Variants in NKAIN2 observed in about 807,000 individuals in gnomAD.
The protein encoded by NKAIN2 is sodium/potassium-transporting ATPase subunit beta-1-interacting protein 2.
In NKAIN2, 14 loss-of-function variants were observed where a neutral mutation model predicts 32.6. The observed-to-expected ratio is 0.43, with a 90% CI of 0.28 to 0.67. The LOEUF is 0.67. Among genes scored for constraint, NKAIN2 ranks in the 30% least tolerant of loss-of-function variants. NKAIN2 has a pLI of 0.17. For synonymous variants in NKAIN2, 80 were observed against 87.2 expected (o/e 0.92, Z 0.46); for missense variants, 198 against 258.3 (o/e 0.77, Z 1.60).
intron 1 of NKAIN2, among the ~76,000 whole-genome samples, chr6:123,859,599 A>G (rs149724081): frequency 0.017 from 2,611 of 152,318 alleles, 192 homozygotes; most frequent in Admixed American, 0.14. Context: ...TGGTCCATCC[A>G]TTGGTCCTGT....
intron 4 of NKAIN2, among the ~76,000 whole-genome samples, chr6:124,789,723 CA>C (rs1779658812): frequency 6.6e-6 from 1 of 151,528 alleles, no homozygotes; most frequent in Non-Finnish European, 1.5e-5. Context: ...AAATAAGTCC[CA>C]AAAAAACAAA....
At chr6:124,473,560 T>A (rs1367970989) in intron 3 of NKAIN2, among the ~76,000 whole-genome samples, 1 of 152,182 alleles carries the variant, frequency 6.6e-6, no homozygotes, top group African/African-American at 2.4e-5. Flanking sequence ...TTGTTGGCAC[T>A]TTTTTAGTAT....
At position 124,419,105 on chromosome 6, in the gene NKAIN2, C is replaced by T. The variant is rs1427351517; in HGVS notation, c.273+63758C>T. On this transcript the variant is annotated intron_variant, in intron 3 of 6. Transcript: ENST00000368417. ...CTCAAACTGAGAGAAAATTAATTTG[C>T]CTCCACTTCTAAGCATCTGGGCCTC... Among the ~76,000 whole-genome samples the T allele has an allele frequency of 2.0e-5, 3 of 152,028 alleles. No individual in the cohort carries two copies. The South Asian group carries it at 6.2e-4, about 32-fold the overall frequency.
chr6:123,835,028 C>G (rs184942513), intron 1 of NKAIN2, among the ~76,000 whole-genome samples: 233 of 152,124 alleles, frequency 1.5e-3, no homozygotes, highest in African/African-American at 5.5e-3. Flanking sequence ...CTTTTGTTTT[C>G]TTGTATTGTC....
rs369070419 is a variant in NKAIN2, at chr6:123,883,894, C to CAAAAAAAAA, written c.54+79655_54+79663dup. Among the ~76,000 whole-genome samples the CAAAAAAAAA allele has an allele frequency of 4.7e-5, 3 of 63,864 alleles. 1 individual carries two copies. The highest frequency in any genetic ancestry group is 1.2e-4 in the African/African-American group (2 of 16,124). 41.9% of individuals were successfully genotyped at this position (63,864 alleles called of 152,430 possible). ...TGGGCGACAGAGCGAGACTCTGTCT[C>CAAAAAAAAA]AAAAAAAAAAAAAAAAAAAAAAATT... On this transcript the variant is annotated intron_variant, in intron 1 of 6. Transcript: ENST00000368417.
intron 1 of NKAIN2, among the ~76,000 whole-genome samples, chr6:123,887,952 A>T (rs1280149005): frequency 6.6e-6 from 1 of 152,122 alleles, no homozygotes; most frequent in Admixed American, 6.6e-5. Context: ...CTTGCTGTTC[A>T]TCAGTTTGTT....
intron 1 of NKAIN2, among the ~76,000 whole-genome samples, chr6:124,273,995 A>G (rs1326352184): frequency 1.3e-5 from 2 of 152,210 alleles, no homozygotes; most frequent in Non-Finnish European, 2.9e-5. Context: ...TGGAGAAATC[A>G]AAACAGTGCT....
At chr6:124,436,822 G>A (rs943807203) in intron 3 of NKAIN2, among the ~76,000 whole-genome samples, 1 of 152,098 alleles carries the variant, frequency 6.6e-6, no homozygotes, top group African/African-American at 2.4e-5. Flanking sequence ...ACATGTCACT[G>A]CTCTGCTAAA....
intron 3 of NKAIN2, among the ~76,000 whole-genome samples, chr6:124,496,843 C>T (rs185554273): frequency 9.9e-5 from 15 of 152,204 alleles, no homozygotes; most frequent in Admixed American, 3.9e-4. Context: ...CTTCCATTGA[C>T]GCCCCTAAAC....
intron 1 of NKAIN2, among the ~76,000 whole-genome samples, chr6:123,842,467 A>G (rs1314693667): frequency 1.3e-5 from 2 of 152,090 alleles, no homozygotes; most frequent in Non-Finnish European, 2.9e-5. Flanking sequence ...AACCTTTATC[A>G]TCTCCTCAGA....
intron 4 of NKAIN2, among the ~76,000 whole-genome samples, chr6:124,671,446 T>G (rs1314770719): frequency 6.6e-6 from 1 of 152,132 alleles, no homozygotes; most frequent in Non-Finnish European, 1.5e-5. Context: ...GGCATTTACA[T>G]GATGCCAATG....
intron 4 of NKAIN2, among the ~76,000 whole-genome samples, chr6:124,699,335 G>T (rs1397157500): frequency 6.6e-6 from 1 of 152,192 alleles, no homozygotes; most frequent in Non-Finnish European, 1.5e-5. Flanking sequence ...TAGCATGGCA[G>T]CTCAGTTTGG....
intron 4 of NKAIN2, among the ~76,000 whole-genome samples, chr6:124,747,749 G>A (rs368336293): frequency 6.6e-6 from 1 of 151,538 alleles, no homozygotes. Flanking sequence ...GAGGAGGGGG[G>A]CCTACATGCA....
intron 1 of NKAIN2, among the ~76,000 whole-genome samples, chr6:123,982,146 T>C (rs758954563): frequency 1.3e-5 from 2 of 152,152 alleles, no homozygotes; most frequent in Non-Finnish European, 2.9e-5. Flanking sequence ...GTTGTTGTTG[T>C]TGACTCTGAT....
At chr6:124,551,731 A>G (rs1329232986) in intron 3 of NKAIN2, among the ~76,000 whole-genome samples, 1 of 152,226 alleles carries the variant, frequency 6.6e-6, no homozygotes, top group African/African-American at 2.4e-5. Context: ...CTGTATCCCA[A>G]TCAAGGTCAG....
chr6:124,821,552 C>A (rs1781395743), intron 6 of NKAIN2, among the ~76,000 whole-genome samples: 1 of 152,018 alleles, frequency 6.6e-6, no homozygotes, highest in African/African-American at 2.4e-5. Flanking sequence ...AGATAGATAT[C>A]TTTGTCCAGA....
chr6:124,614,029 A>T (rs889263726), intron 3 of NKAIN2, among the ~76,000 whole-genome samples: 3 of 152,110 alleles, frequency 2.0e-5, no homozygotes, highest in Non-Finnish European at 2.9e-5. Flanking sequence ...TAATTCTCAA[A>T]TCCTACACCT....
At chr6:123,841,537 C>G (rs1169392783) in intron 1 of NKAIN2, among the ~76,000 whole-genome samples, 2 of 152,148 alleles carry the variant, frequency 1.3e-5, no homozygotes, top group Non-Finnish European at 2.9e-5. Flanking sequence ...TAATTTACAC[C>G]TCATAACTTT....
intron 1 of NKAIN2, among the ~76,000 whole-genome samples, chr6:124,183,045 G>A (rs1457424035): frequency 6.6e-6 from 1 of 151,974 alleles, no homozygotes; most frequent in Non-Finnish European, 1.5e-5. Flanking sequence ...TTAGTGCTAG[G>A]CTACTTATCC....
Sources: allele counts gnomAD v4.1 joint callset (sites outside exome capture counted in the v4.1 genomes callset), GRCh38; gene constraint gnomAD v4.1.1; transcripts MANE v1.5; gene names NCBI Gene and HGNC (gene_info 2026-07-23, HGNC 2026-07-21).